Variants in GPATCH8 observed in about 807,000 individuals in gnomAD.
The protein encoded by GPATCH8 is G patch domain-containing protein 8.
A neutral mutation model predicts 118.3 loss-of-function variants in GPATCH8; 18 were observed. That is an observed-to-expected ratio of 0.15 (90% CI 0.11 to 0.23). GPATCH8 has a LOEUF of 0.23. GPATCH8 is among the 10% of genes least tolerant of loss of function. GPATCH8 has a pLI of 1.00. For synonymous variants in GPATCH8, 659 were observed against 684.7 expected (o/e 0.96, Z 0.59); for missense variants, 1,631 against 1,873.8 (o/e 0.87, Z 2.39).
intron 3 of GPATCH8, among the ~76,000 whole-genome samples, chr17:44,455,834 G>A (rs548237848): frequency 2.0e-5 from 3 of 152,136 alleles, no homozygotes; most frequent in Non-Finnish European, 2.9e-5. Flanking sequence ...TGCAACCTCC[G>A]CCTCCTGGGT....
chr17:44,490,381 C>T (rs1969151328), intron 1 of GPATCH8, among the ~76,000 whole-genome samples: 1 of 151,990 alleles, frequency 6.6e-6, no homozygotes. Flanking sequence ...TAAACTAAAA[C>T]TCATGGTTAT....
At chr17:44,446,781 T>C (rs1427559975) in intron 3 of GPATCH8, among the ~76,000 whole-genome samples, 1 of 152,074 alleles carries the variant, frequency 6.6e-6, no homozygotes, top group Non-Finnish European at 1.5e-5. Context: ...ATCACTCCAT[T>C]ACCCCAAAAC....
At chr17:44,493,092 C>A (rs1969402742) in intron 1 of GPATCH8, among the ~76,000 whole-genome samples, 1 of 139,498 alleles carries the variant, frequency 7.2e-6, no homozygotes, top group South Asian at 2.2e-4. Flanking sequence ...CTCATTCTGT[C>A]ACCCAGGCTA....
intron 2 of GPATCH8, among the ~76,000 whole-genome samples, chr17:44,466,597 TCTGA>T (rs1568030375): frequency 2.0e-5 from 3 of 152,172 alleles, no homozygotes; most frequent in South Asian, 2.1e-4. Flanking sequence ...GTGTTCAGTG[TCTGA>T]CTATTTATAA....
Position 44,474,578 on chromosome 17 carries a change from C to T in GPATCH8, c.120+251G>A, listed in dbSNP as rs78472446. ...TAACTTGCTACCTTCAACAAAGTAT[C>T]GGTATGGGCCAAAAAGATATTTTTC... On this transcript the variant is annotated intron_variant, in intron 2 of 7. Coordinates refer to ENST00000591680, the MANE Select transcript of GPATCH8 (RefSeq NM_001002909.4). 6.6e-4 allele frequency: 365 copies of T among 556,942 alleles called. 1 individual carries two copies. Among genetic ancestry groups the T allele is most frequent in the African/African-American group, 6.1e-3 (326 of 53,014 alleles). The allele number at this position is 556,942 out of a possible 1,614,324, so 34.5% of individuals were successfully genotyped here. A position where few individuals can be genotyped will look rare whatever the true frequency, so the allele number is the denominator to read the frequency against.
chr17:44,401,144 T>G lies in GPATCH8; in HGVS notation c.933A>C (p.Lys311Asn). 6.2e-7 allele frequency: 1 copy of G among 1,614,186 alleles called. No individual in the cohort carries two copies. Among genetic ancestry groups the G allele is most frequent in the Non-Finnish European group, 8.5e-7 (1 of 1,180,010 alleles). Residue 311 changes from lysine to asparagine, a missense_variant, in exon 8 of 8, where the codon AAA (lysine) becomes AAC (asparagine). Physicochemically the swap from Lys to Asn is moderately conservative, Grantham distance 94. Around this residue, in one of 8 missense-constraint regions of GPATCH8, gnomAD observed 405 missense variants for 462.7 expected, o/e 0.88. Transcript: ENST00000591680. ...SFSFAKKAPV[K>N]LESIASVFKD... ...TGAAAACTGATGCTATTGATTCGAG[T>G]TTGACAGGAGCCTTTTTGGCAAAAG...
chr17:44,412,206 AACC>A (rs1237456485), intron 6 of GPATCH8, among the ~76,000 whole-genome samples: 17 of 152,068 alleles, frequency 1.1e-4, no homozygotes, highest in Non-Finnish European at 2.5e-4. Context: ...TACAGGCATG[AACC>A]ACCACGCACG....
intron 1 of GPATCH8, among the ~76,000 whole-genome samples, chr17:44,482,383 C>T (rs1221997106): frequency 6.6e-6 from 1 of 151,712 alleles, no homozygotes; most frequent in Non-Finnish European, 1.5e-5. Flanking sequence ...ACCAGCCTGG[C>T]CAACATGGTG....
At chr17:44,495,399 G>C (rs1400790175) in intron 1 of GPATCH8, among the ~76,000 whole-genome samples, 1 of 152,096 alleles carries the variant, frequency 6.6e-6, no homozygotes, top group African/African-American at 2.4e-5. Context: ...CCTTTACTTA[G>C]AGTTATGCAT....
chr17:44,481,439 A>G (rs2144410903), intron 1 of GPATCH8, among the ~76,000 whole-genome samples: 1 of 152,346 alleles, frequency 6.6e-6, no homozygotes, highest in South Asian at 2.1e-4. Context: ...ATGAATCTCA[A>G]ATTAATTATG....
intron 4 of GPATCH8, among the ~76,000 whole-genome samples, chr17:44,436,273 G>T (rs527337640): frequency 2.3e-4 from 35 of 152,232 alleles, no homozygotes; most frequent in African/African-American, 7.9e-4. Flanking sequence ...TTATGTGCCA[G>T]TTAAAACAGC....
chr17:44,405,126 A>G (rs1404797509), intron 7 of GPATCH8, among the ~76,000 whole-genome samples: 2 of 152,156 alleles, frequency 1.3e-5, no homozygotes, highest in African/African-American at 2.4e-5. Context: ...GCTATATATT[A>G]TATGTATTGA....
intron 1 of GPATCH8, among the ~76,000 whole-genome samples, chr17:44,482,100 G>A (rs542188512): frequency 2.0e-5 from 3 of 151,952 alleles, no homozygotes; most frequent in African/African-American, 4.8e-5. Flanking sequence ...CAGCCTGGGC[G>A]ACAGAGTGAG....
intron 3 of GPATCH8, among the ~76,000 whole-genome samples, chr17:44,457,880 G>A (rs1451087005): frequency 1.3e-5 from 2 of 152,016 alleles, no homozygotes; most frequent in Non-Finnish European, 2.9e-5. Flanking sequence ...AGGAGATGGA[G>A]ACCATCCTGG....
intron 1 of GPATCH8, among the ~76,000 whole-genome samples, chr17:44,503,030 A>T (rs1970211595): frequency 6.6e-6 from 1 of 152,132 alleles, no homozygotes; most frequent in Non-Finnish European, 1.5e-5. Flanking sequence ...GATCGGGCAG[A>T]CCTGGAGGGC....
intron 2 of GPATCH8, chr17:44,467,008 T>C: frequency 2.1e-6 from 1 of 483,826 alleles, no homozygotes; most frequent in Non-Finnish European, 3.9e-6. Flanking sequence ...TTGTGTTATA[T>C]TATGAATGCA....
At chr17:44,476,871 A>G (rs1024167780) in intron 1 of GPATCH8, among the ~76,000 whole-genome samples, 1 of 152,236 alleles carries the variant, frequency 6.6e-6, no homozygotes, top group Non-Finnish European at 1.5e-5. Context: ...CTCTAATCAT[A>G]GTTTTCACAG....
chr17:44,404,340 C>T (rs2143682765), intron 7 of GPATCH8, among the ~76,000 whole-genome samples: 1 of 151,688 alleles, frequency 6.6e-6, no homozygotes, highest in Middle Eastern at 3.4e-3. Context: ...ACAGGGTCTT[C>T]CTATGTTGCC....
intron 6 of GPATCH8, among the ~76,000 whole-genome samples, chr17:44,411,175 T>C (rs933190888): frequency 2.6e-5 from 4 of 152,136 alleles, no homozygotes; most frequent in African/African-American, 4.8e-5. Context: ...ACTATGACAA[T>C]TGGGCTTTGC....
Sources: allele counts gnomAD v4.1 joint callset (sites outside exome capture counted in the v4.1 genomes callset), GRCh38; gene constraint gnomAD v4.1.1; regional missense constraint gnomAD v4.1.1; transcripts MANE v1.5; gene names NCBI Gene and HGNC (gene_info 2026-07-23, HGNC 2026-07-21).